IPPK: variants seen among roughly 807,000 people sequenced by gnomAD.
IPPK encodes the protein IPK1 homolog.
Under a neutral mutation model 64.6 loss-of-function variants are expected in IPPK, and 22 were observed. The ratio of observed to expected loss-of-function variants is 0.34; its 90% CI spans 0.24 to 0.49. IPPK has a LOEUF of 0.49. Ranked by LOEUF, IPPK falls within the 20% of genes least tolerant of loss-of-function variation. The probability of loss-of-function intolerance (pLI) is 0.99; values close to 1 mark genes in which losing one functional copy is unlikely to be tolerated. For synonymous variants in IPPK, 262 were observed against 247.2 expected (o/e 1.06, Z -0.56); for missense variants, 532 against 630.7 (o/e 0.84, Z 1.68).
chr9:92,617,866 T>G (rs188651832), intron 12 of IPPK: 65 of 210,926 alleles, frequency 3.1e-4, no homozygotes, highest in African/African-American at 1.4e-3. Flanking sequence ...AGATCCAACT[T>G]GAGACATTTT....
chr9:92,625,443 G>A (rs570123330), intron 11 of IPPK, among the ~76,000 whole-genome samples: 32 of 152,238 alleles, frequency 2.1e-4, no homozygotes, highest in Admixed American at 1.2e-3. Flanking sequence ...GAATGTCAAC[G>A]TTATTTTTAA....
intron 12 of IPPK, chr9:92,618,529 G>A (rs1447453228): frequency 8.8e-6 from 4 of 453,812 alleles, no homozygotes; most frequent in South Asian, 3.1e-5. Context: ...ATCCTTGGTC[G>A]GGGGGCTGCT....
chr9:92,625,169 G>C (rs936001168), intron 11 of IPPK, among the ~76,000 whole-genome samples: 4 of 152,090 alleles, frequency 2.6e-5, no homozygotes, highest in Non-Finnish European at 5.9e-5. Context: ...GTACCTTTCT[G>C]TATTTGCTAG....
intron 6 of IPPK, among the ~76,000 whole-genome samples, chr9:92,644,452 C>T (rs1054363973): frequency 6.6e-6 from 1 of 152,164 alleles, no homozygotes; most frequent in African/African-American, 2.4e-5. Context: ...GCCTCGTTCT[C>T]AGACAATCAC....
rs553516262 is a variant in IPPK, at chr9:92,669,655, CG to C, written c.81+252del. ...ACGGGGAACGGGAATACTGAGGGGA[CG>C]ACAGACCGGCCAGGAGAAGGATCTG... On this transcript the variant is annotated intron_variant, in intron 1 of 12. Coordinates refer to ENST00000287996, the MANE Select transcript of IPPK (RefSeq NM_022755.6). Among the ~76,000 whole-genome samples, 50 of 151,888 alleles carry C rather than the reference CG, an allele frequency of 3.3e-4. No homozygotes were observed. The South Asian group carries it at 0.01, about 31-fold the overall frequency.
chr9:92,650,467 T>C (rs1852244028), intron 4 of IPPK, among the ~76,000 whole-genome samples: 2 of 152,142 alleles, frequency 1.3e-5, no homozygotes, highest in South Asian at 4.1e-4. Flanking sequence ...TCGATGTGCC[T>C]GAGCCCCAGT....
rs1851921635 is a variant in IPPK at position 92,635,367 on chromosome 9, G to A, written c.917-59C>T. The A allele has an allele frequency of 6.4e-7, 1 of 1,563,396 alleles. No homozygotes were observed. The highest frequency in any genetic ancestry group is 8.7e-7 in the Non-Finnish European group (1 of 1,149,376). On this transcript the variant is annotated intron_variant, in intron 9 of 12. Coordinates refer to ENST00000287996, the MANE Select transcript of IPPK (RefSeq NM_022755.6). This position sits in a 1 kb window ranked among gnomAD's most constrained non-coding sequence, Gnocchi z 4.4. Reference sequence around the variant, plus strand: ...TTGATTATCAAAGAACGTGGAGGGAGACACAGGCCGGCGCAGACCGCAGGG... The same window carrying A: ...TTGATTATCAAAGAACGTGGAGGGAAACACAGGCCGGCGCAGACCGCAGGG...
intron 6 of IPPK, among the ~76,000 whole-genome samples, chr9:92,645,039 T>C (rs531793331): frequency 8.5e-5 from 13 of 152,262 alleles, no homozygotes; most frequent in Admixed American, 6.5e-4. Context: ...ACAAGGAGAA[T>C]AATGTCTCAA....
At chr9:92,669,573 G>T (rs1047658956) in intron 1 of IPPK, among the ~76,000 whole-genome samples, 1 of 152,136 alleles carries the variant, frequency 6.6e-6, no homozygotes, top group Admixed American at 6.5e-5. Context: ...AGGCGGCACC[G>T]CGTGAGGCTG....
rs927705070 is a variant in IPPK, at chr9:92,650,579, C to T, written c.293-1005G>A. Among the ~76,000 whole-genome samples, 7 of 152,168 alleles carry T rather than the reference C, an allele frequency of 4.6e-5. 1 individual carries two copies. Among genetic ancestry groups the T allele is most frequent in the Non-Finnish European group, 8.8e-5 (6 of 68,014 alleles). On this transcript the variant is annotated intron_variant, in intron 4 of 12. Coordinates refer to ENST00000287996, the MANE Select transcript of IPPK (RefSeq NM_022755.6). The stretch of plus-strand genomic sequence containing the variant: ...CACCCCTGAGGAGAGGACCCAGAAG[C>T]TCATGCCAGGTCTCTCCTGGACCCC...
intron 3 of IPPK, among the ~76,000 whole-genome samples, chr9:92,653,015 C>T (rs1170639962): frequency 6.6e-6 from 1 of 152,140 alleles, no homozygotes; most frequent in Admixed American, 6.5e-5. Flanking sequence ...AGTTCTTAGA[C>T]CACATGGAAG....
chr9:92,636,191 T>C (rs1851939356), intron 9 of IPPK, among the ~76,000 whole-genome samples: 1 of 152,148 alleles, frequency 6.6e-6, no homozygotes, highest in South Asian at 2.1e-4. Context: ...AAGGTGTCCA[T>C]GCAGGGGGAA....
intron 3 of IPPK, among the ~76,000 whole-genome samples, chr9:92,653,368 T>C (rs1852305746): frequency 1.3e-5 from 2 of 152,088 alleles, no homozygotes. Flanking sequence ...TTCCCCACCC[T>C]GCGCCGTCAC....
At chr9:92,634,131 C>T (rs1357084623) in intron 11 of IPPK, among the ~76,000 whole-genome samples, 2 of 152,168 alleles carry the variant, frequency 1.3e-5, no homozygotes, top group African/African-American at 4.8e-5. Context: ...GCAGATCGGC[C>T]GCCCCTGGGG....
chr9:92,662,637 A>G (rs1470802466), intron 1 of IPPK, among the ~76,000 whole-genome samples: 1 of 152,238 alleles, frequency 6.6e-6, no homozygotes, highest in Non-Finnish European at 1.5e-5. Flanking sequence ...CCAAGGCCCA[A>G]GCCACACCTT....
chr9:92,623,585 A>G (rs1278546698), intron 11 of IPPK, among the ~76,000 whole-genome samples: 1 of 152,208 alleles, frequency 6.6e-6, no homozygotes, highest in African/African-American at 2.4e-5. Context: ...ACCAAAAAAA[A>G]TGAGCAAGAG....
Position 92,628,212 on chromosome 9 carries a change from G to C in IPPK, c.1170+6174C>G, listed in dbSNP as rs61165394. 4.1e-3 allele frequency among the ~76,000 whole-genome samples: 626 copies of C among 152,250 alleles called. 7 individuals carry two copies. The highest frequency in any genetic ancestry group is 0.014 in the African/African-American group (586 of 41,552). On this transcript the variant is annotated intron_variant, in intron 11 of 12. Coordinates refer to ENST00000287996, the MANE Select transcript of IPPK (RefSeq NM_022755.6). ...AAAGAAAACCAAGATCTAAATAAAT[G>C]GAAAAATATCTCATGTTCATAGATC...
intron 11 of IPPK, among the ~76,000 whole-genome samples, chr9:92,625,373 T>TA (rs1478516436): frequency 3.3e-5 from 5 of 152,166 alleles, no homozygotes; most frequent in African/African-American, 4.8e-5. Context: ...ATTTTACATC[T>TA]AAAAATCTGT....
chr9:92,616,131 T>A, intron 12 of IPPK, 74 bp from the exon 13 acceptor site: 1 of 1,011,018 alleles, frequency 9.9e-7, no homozygotes, highest in Non-Finnish European at 1.5e-6. Flanking sequence ...CTCTCTCCCT[T>A]TCTTCTTTCA....
Sources: gnomAD v4.1 joint callset for allele counts (sites outside exome capture counted in the v4.1 genomes callset) on GRCh38, gnomAD v4.1.1 for gene constraint, Gnocchi (gnomAD v3.1) non-coding constraint, MANE v1.5 for transcripts, NCBI Gene and HGNC (gene_info 2026-07-23, HGNC 2026-07-21) for gene names.